POLA2: variants seen among roughly 807,000 people sequenced by gnomAD.
POLA2 encodes DNA polymerase alpha 2, accessory subunit.
In POLA2, 47 loss-of-function variants were observed where a neutral mutation model predicts 82.8. That is an observed-to-expected ratio of 0.57 (90% confidence interval 0.45 to 0.72). The LOEUF (loss-of-function observed/expected upper bound fraction) is 0.72. Ranked by LOEUF, POLA2 falls within the 30% of genes least tolerant of loss-of-function variation. The probability of loss-of-function intolerance (pLI) is 0.00; values close to 1 mark genes in which losing one functional copy is unlikely to be tolerated. For missense variants in POLA2, 634 were observed against 728.1 expected (o/e 0.87, Z 1.49); for synonymous variants, 287 against 286.8 (o/e 1.00, Z -0.01).
At position 65,297,338 on chromosome 11, in the gene POLA2, C is replaced by G. The variant is rs1294246493; in HGVS notation, c.*69C>G. The G allele has an allele frequency of 1.4e-5, 20 of 1,480,082 alleles. No individual in the cohort carries two copies. Among genetic ancestry groups the G allele is most frequent in the Non-Finnish European group, 1.7e-5 (19 of 1,114,040 alleles). 91.7% of individuals were successfully genotyped at this position (1,480,082 alleles called of 1,614,324 possible). A position where few individuals can be genotyped will look rare whatever the true frequency, so the allele number is the denominator to read the frequency against. On this transcript the variant is annotated 3_prime_UTR_variant, in exon 18 of 18. Coordinates refer to ENST00000265465, the MANE Select transcript of POLA2 (RefSeq NM_002689.4). ...TCTTAGCCAAGAGCCAAGACATAGC[C>G]CTGTGACAAGGTGAACAGTTGGGTG...
chr11:65,269,443 C>T (rs375617944), intron 4 of POLA2, among the ~76,000 whole-genome samples: 1 of 150,598 alleles, frequency 6.6e-6, no homozygotes, highest in Admixed American at 6.6e-5. Context: ...GCCGAGATCG[C>T]GCTACTGCAC....
chr11:65,297,505 G>A lies in POLA2; in HGVS notation c.*236G>A. The A allele has an allele frequency of 2.6e-6, 1 of 385,718 alleles. No individual in the cohort carries two copies. The highest frequency in any genetic ancestry group is 4.0e-5 in the East Asian group (1 of 24,994). The allele number at this position is 385,718 out of a possible 1,614,324, so 23.9% of individuals were successfully genotyped here. A position where few individuals can be genotyped will look rare whatever the true frequency, so the allele number is the denominator to read the frequency against. Reference sequence around the variant, plus strand: ...CTTCTCAGTCCATGCTCCGTGTCCAGAAGTAAGCCAGCTGTGGATCCCGCC... The same window carrying A: ...CTTCTCAGTCCATGCTCCGTGTCCAAAAGTAAGCCAGCTGTGGATCCCGCC... On this transcript the variant is annotated 3_prime_UTR_variant, in exon 18 of 18. Coordinates refer to ENST00000265465, the MANE Select transcript of POLA2 (RefSeq NM_002689.4).
At chr11:65,284,844 A>T (rs1039606005) in intron 10 of POLA2, among the ~76,000 whole-genome samples, 3 of 152,132 alleles carry the variant, frequency 2.0e-5, no homozygotes, top group African/African-American at 7.2e-5. Flanking sequence ...CATTTTTGTA[A>T]GCACAGTGGA....
chr11:65,281,004 C>G lies in POLA2; in HGVS notation c.757C>G (p.Leu253Val). The G allele has an allele frequency of 6.2e-7, 1 of 1,613,826 alleles. No individual in the cohort carries two copies. The highest frequency in any genetic ancestry group is 8.5e-7 in the Non-Finnish European group (1 of 1,179,976). Reference sequence around the variant, plus strand: ...CTTCCTTTGGTAGGAGCCTGTCACTCTGCTGGGCCAGATTGGCTGTGATAG... The same window carrying G: ...CTTCCTTTGGTAGGAGCCTGTCACTGTGCTGGGCCAGATTGGCTGTGATAG... ...LLAPAQEPVT[L>V]LGQIGCDSNG... Residue 253 changes from leucine (L) to valine (V), a missense_variant, in exon 8 of 18, where the codon CTG becomes GTG. Leu to Val is a conservative substitution (Grantham distance 32). Transcript: ENST00000265465.
At chr11:65,274,485 G>C (rs1458588576) in intron 4 of POLA2, among the ~76,000 whole-genome samples, 1 of 151,952 alleles carries the variant, frequency 6.6e-6, no homozygotes, top group Non-Finnish European at 1.5e-5. Flanking sequence ...TTTGAGACCA[G>C]CCTGGCCAAC....
intron 13 of POLA2, 41 bp downstream of exon 13, chr11:65,289,913 G>T: frequency 1.5e-6 from 2 of 1,314,956 alleles, no homozygotes; most frequent in South Asian, 1.2e-5. Flanking sequence ...AAGCTTCTTA[G>T]GTTTCTCCAG....
At chr11:65,267,197 C>T (rs1254121826) in intron 2 of POLA2, among the ~76,000 whole-genome samples, 2 of 151,616 alleles carry the variant, frequency 1.3e-5, no homozygotes, top group African/African-American at 2.4e-5. Context: ...GAGCGAGACT[C>T]CATCTCAAAA....
chr11:65,294,336 G>C, intron 14 of POLA2, 75 bp downstream of exon 14: 1 of 1,289,966 alleles, frequency 7.8e-7, no homozygotes, highest in Middle Eastern at 1.8e-4. Flanking sequence ...GGCCCTGAAG[G>C]GGAGGGTGGA....
At chr11:65,283,987 A>G (rs920012262) in intron 10 of POLA2, among the ~76,000 whole-genome samples, 1 of 151,000 alleles carries the variant, frequency 6.6e-6, no homozygotes, top group Non-Finnish European at 1.5e-5. Flanking sequence ...AAAAAAAATT[A>G]GCTCGGCATG....
At chr11:65,291,146 G>T (rs1949751116) in intron 13 of POLA2, among the ~76,000 whole-genome samples, 1 of 152,244 alleles carries the variant, frequency 6.6e-6, no homozygotes, top group Non-Finnish European at 1.5e-5. Flanking sequence ...TTTGAAAGAA[G>T]TTGGTATAGG....
At chr11:65,293,174 T>C (rs1331147770) in intron 13 of POLA2, among the ~76,000 whole-genome samples, 3 of 152,152 alleles carry the variant, frequency 2.0e-5, no homozygotes, top group Middle Eastern at 3.2e-3. Context: ...ATTATTTCCA[T>C]GTGTGAGAGG....
chr11:65,274,650 A>G (rs1481716518), intron 4 of POLA2, among the ~76,000 whole-genome samples: 1 of 151,604 alleles, frequency 6.6e-6, no homozygotes. Context: ...ACTGTGCCCC[A>G]GCGTGGGTGA....
chr11:65,262,330 AGAT>A lies in POLA2; in HGVS notation c.39_41del (p.Gln13_Ile14delinsHis). The A allele has an allele frequency of 1.2e-6, 2 of 1,613,894 alleles. No homozygotes were observed. The highest frequency in any genetic ancestry group is 1.7e-6 in the Non-Finnish European group (2 of 1,179,896). ...GCCCAGCAGCTGGCGGAGGAGCTGC[AGAT>A]CTTCGGCCTAGACTGCGAGGAGGCT... On this transcript the variant is annotated inframe_deletion, in exon 1 of 18. Coordinates refer to ENST00000265465, the MANE Select transcript of POLA2 (RefSeq NM_002689.4).
intron 1 of POLA2, among the ~76,000 whole-genome samples, chr11:65,264,834 T>A (rs570927238): frequency 6.6e-6 from 1 of 152,334 alleles, no homozygotes; most frequent in South Asian, 2.1e-4. Flanking sequence ...TGCTACAAGA[T>A]TTTTTTCCTA....
intron 8 of POLA2, 147 bp downstream of exon 8, chr11:65,281,294 T>C (rs1402351875): frequency 5.8e-6 from 5 of 868,106 alleles, no homozygotes; most frequent in Non-Finnish European, 8.9e-6. Context: ...GACACCACTG[T>C]TGGGATTCCT....
intron 8 of POLA2, among the ~76,000 whole-genome samples, chr11:65,304,506 G>A (rs1052424764): frequency 6.6e-6 from 1 of 151,910 alleles, no homozygotes; most frequent in South Asian, 2.1e-4. Context: ...ACACACTCTG[G>A]GGGACTGGCT....
chr11:65,262,435 C>T, intron 1 of POLA2, 64 bp downstream of exon 1: 2 of 1,389,726 alleles, frequency 1.4e-6, no homozygotes, highest in Non-Finnish European at 1.0e-6. Context: ...TTCCTCGGCG[C>T]CTAGAACCGA....
At chr11:65,262,392 G>T (rs372628781) in intron 1 of POLA2, 21 bp downstream of exon 1, 4 of 1,595,604 alleles carry the variant, frequency 2.5e-6, no homozygotes, top group Non-Finnish European at 3.4e-6. Flanking sequence ...CACCCCTCCC[G>T]CCCTGCAGCC....
intron 16 of POLA2, 65 bp downstream of exon 16, chr11:65,295,664 G>A: frequency 2.8e-6 from 4 of 1,447,894 alleles, no homozygotes; most frequent in Non-Finnish European, 3.9e-6. Context: ...GCTATGACAA[G>A]CATGACTGTA....
Sources: allele counts gnomAD v4.1 joint callset (sites outside exome capture counted in the v4.1 genomes callset), GRCh38; gene constraint gnomAD v4.1.1; transcripts MANE v1.5; gene names NCBI Gene and HGNC (gene_info 2026-07-23, HGNC 2026-07-21).